The following METRNL variants were observed in gnomAD, a reference collection of about 807,000 sequenced individuals.
METRNL encodes meteorin like, glial cell differentiation regulator, also known as meteorin-like protein.
Under a neutral mutation model 17.4 loss-of-function variants are expected in METRNL, and 9 were observed. That is an observed-to-expected ratio of 0.52 (90% CI 0.31 to 0.90). The LOEUF is 0.90. Ranked by LOEUF, METRNL falls within the 40% of genes least tolerant of loss-of-function variation. The probability of loss-of-function intolerance (pLI) is 0.05; values close to 1 mark genes in which losing one functional copy is unlikely to be tolerated. For missense variants in METRNL, 408 were observed against 430.7 expected (o/e 0.95, Z 0.47); for synonymous variants, 215 against 199.3 (o/e 1.08, Z -0.66).
chr17:83,093,817 G>A (rs1003571943), intron 3 of METRNL, among the ~76,000 whole-genome samples: 3 of 152,160 alleles, frequency 2.0e-5, no homozygotes, highest in African/African-American at 7.2e-5. Flanking sequence ...CAAGCTCAAG[G>A]ACAGGCCCCT....
intron 2 of METRNL, among the ~76,000 whole-genome samples, chr17:83,091,401 C>T (rs1409146812): frequency 6.6e-6 from 1 of 152,226 alleles, no homozygotes; most frequent in African/African-American, 2.4e-5. Flanking sequence ...GTCTCTGGGT[C>T]CCTCCTACCT....
chr17:83,090,138 ACCCC>A (rs1320834461), intron 2 of METRNL, among the ~76,000 whole-genome samples: 1 of 125,498 alleles, frequency 8.0e-6, no homozygotes, highest in Non-Finnish European at 1.7e-5. Context: ...GGAGCCACAC[ACCCC>A]CGCCCCGCCC....
In METRNL at chr17:83,094,472, G is replaced by T; in HGVS notation, c.833G>T (p.Gly278Val). ...CTCTTCACTGGCCACATGCACTTCGGGGAGGCGCGGCTCGGCTGTGCCCCA... is the reference window on the plus strand; with the variant it reads ...CTCTTCACTGGCCACATGCACTTCGTGGAGGCGCGGCTCGGCTGTGCCCCA... ...DFLFTGHMHF[G>V]EARLGCAPRF... is the part of the protein sequence containing the mutation. Residue 278 changes from glycine to valine, a missense_variant, in exon 4 of 4, where the codon GGG (glycine) becomes GTG (valine). Coordinates refer to ENST00000320095, the MANE Select transcript of METRNL (RefSeq NM_001004431.3). 6.3e-7 allele frequency: 1 copy of T among 1,586,924 alleles called. No homozygotes were observed.
At chr17:83,081,238 T>G (rs989734072) in intron 1 of METRNL, among the ~76,000 whole-genome samples, 8 of 151,644 alleles carry the variant, frequency 5.3e-5, no homozygotes, top group African/African-American at 1.9e-4. Flanking sequence ...CGACGGCTCT[T>G]CTGGGGCCGC....
chr17:83,086,703 G>GT (rs1411650355), intron 2 of METRNL, among the ~76,000 whole-genome samples: 1 of 152,252 alleles, frequency 6.6e-6, no homozygotes. Flanking sequence ...CACATGCTCT[G>GT]TGGCCTGAGC....
chr17:83,085,004 C>A lies in METRNL; in HGVS notation c.237C>A (p.Ala79=). ...EQVYLRCAAG[A]VEWMYPTGAL... ...TGTATCTGCGCTGTGCGGCGGGTGC[C>A]GTGGAGTGGATGTACCCAACAGGTG... Residue 79 remains alanine, a synonymous_variant, in exon 2 of 4, where the codon GCC becomes GCA. Coordinates refer to ENST00000320095, the MANE Select transcript of METRNL (RefSeq NM_001004431.3). 6.2e-7 allele frequency: 1 copy of A among 1,613,620 alleles called. No homozygotes were observed. Among genetic ancestry groups the A allele is most frequent in the Non-Finnish European group, 8.5e-7 (1 of 1,179,972 alleles).
chr17:83,081,670 A>C lies in METRNL; in HGVS notation c.170+1685A>C, dbSNP rs115405511. On this transcript the variant is annotated intron_variant, in intron 1 of 3. Coordinates refer to ENST00000320095, the MANE Select transcript of METRNL (RefSeq NM_001004431.3). Reference sequence around the variant, plus strand: ...GACTCCCCAGAGGGGACCCCCCCACACACACACACAGGGGACCCCCCCCAA... The same window carrying C: ...GACTCCCCAGAGGGGACCCCCCCACCCACACACACAGGGGACCCCCCCCAA... 3.3e-3 allele frequency among the ~76,000 whole-genome samples: 490 copies of C among 149,214 alleles called. 3 individuals are homozygous for C. The highest frequency in any genetic ancestry group is 8.5e-3 in the African/African-American group (332 of 39,096).
At chr17:83,092,825 C>A (rs1014337596) in intron 2 of METRNL, among the ~76,000 whole-genome samples, 1 of 152,028 alleles carries the variant, frequency 6.6e-6, no homozygotes, top group Non-Finnish European at 1.5e-5. Context: ...AAAGACCCCT[C>A]CCCACGAAGG....
chr17:83,081,173 G>A (rs544371128), intron 1 of METRNL, among the ~76,000 whole-genome samples: 304 of 151,736 alleles, frequency 2.0e-3, no homozygotes, highest in Non-Finnish European at 2.7e-3. Context: ...GCCGCGGGCG[G>A]ATGGAGGTCT....
intron 1 of METRNL, among the ~76,000 whole-genome samples, chr17:83,081,939 C>G (rs564199880): frequency 1.3e-5 from 2 of 152,334 alleles, no homozygotes; most frequent in Non-Finnish European, 2.9e-5. Context: ...TACCAGCTGT[C>G]CTGACGAAGC....
At chr17:83,088,107 C>A (rs567456140) in intron 2 of METRNL, among the ~76,000 whole-genome samples, 1 of 152,166 alleles carries the variant, frequency 6.6e-6, no homozygotes, top group African/African-American at 2.4e-5. Context: ...GGGGGCCAGG[C>A]GGGAGGGGAC....
At position 83,082,793 on chromosome 17, in the gene METRNL, G is replaced by A. The variant is rs575625476; in HGVS notation, c.171-2145G>A. 7.9e-5 allele frequency among the ~76,000 whole-genome samples: 12 copies of A among 152,332 alleles called. No homozygotes were observed. In the East Asian group the frequency reaches 2.1e-3, roughly 27 times the overall value. ...GACCATGAGTCTCGGACTTCGTGCC[G>A]AGGTCTGCTGGGTCCCAGGCTGAAG... On this transcript the variant is annotated intron_variant, in intron 1 of 3. Coordinates refer to ENST00000320095, the MANE Select transcript of METRNL (RefSeq NM_001004431.3).
Position 83,084,982 on chromosome 17 carries a change from A to G in METRNL, c.215A>G (p.Tyr72Cys). 1 of 1,613,838 alleles carries G rather than the reference A, an allele frequency of 6.2e-7. No homozygotes were observed. The highest frequency in any genetic ancestry group is 8.5e-7 in the Non-Finnish European group (1 of 1,179,994). Residue 72 changes from tyrosine to cysteine, a missense_variant, in exon 2 of 4, where the codon TAT (tyrosine) becomes TGT (cysteine). By Grantham distance (194) the Tyr-to-Cys change is radical. Coordinates refer to ENST00000320095, the MANE Select transcript of METRNL (RefSeq NM_001004431.3). ...CACAGGAAGGAGGTGGAGCAGGTGT[A>G]TCTGCGCTGTGCGGCGGGTGCCGTG... ...EAHRKEVEQV[Y>C]LRCAAGAVEW...
rs199617152 is a variant in METRNL at position 83,084,886 on chromosome 17, G to C, written c.171-52G>C. ...TCACTGACTCTCTGTGGGTGCGGGT[G>C]GGGTGTGTGACGGGAGCTCCGGGCC... On this transcript the variant is annotated intron_variant, in intron 1 of 3. Transcript: ENST00000320095. 5.4e-5 allele frequency: 85 copies of C among 1,563,510 alleles called. No individual in the cohort carries two copies. The East Asian group carries it at 1.9e-3, about 34-fold the overall frequency.
chr17:83,092,290 G>C (rs1010695680), intron 2 of METRNL: 4 of 152,324 alleles, frequency 2.6e-5, no homozygotes, highest in African/African-American at 9.6e-5. Context: ...GCCCCACGCC[G>C]GTGGCAGGTG....
chr17:83,091,616 C>T (rs180851078), intron 2 of METRNL, among the ~76,000 whole-genome samples: 6 of 152,340 alleles, frequency 3.9e-5, no homozygotes, highest in African/African-American at 9.6e-5. Flanking sequence ...GCAGCTGGCT[C>T]GGGCCTGTAC....
At chr17:83,082,135 A>C in intron 1 of METRNL, 1 of 985,424 alleles carries the variant, frequency 1.0e-6, no homozygotes, top group Non-Finnish European at 1.2e-6. Flanking sequence ...CCCCGTCTTT[A>C]TCAGCCAGTG....
chr17:83,088,529 G>T (rs991666586), intron 2 of METRNL, among the ~76,000 whole-genome samples: 1 of 152,134 alleles, frequency 6.6e-6, no homozygotes, highest in Non-Finnish European at 1.5e-5. Flanking sequence ...TGCAGGCTCT[G>T]TGTAAGGCCC....
intron 3 of METRNL, 44 bp from the exon 4 acceptor site, chr17:83,094,212 C>A: frequency 6.7e-7 from 1 of 1,495,226 alleles, no homozygotes. Flanking sequence ...TTGCTGTGTG[C>A]TTGCCTTTGC....
Sources: allele counts gnomAD v4.1 joint callset (sites outside exome capture counted in the v4.1 genomes callset), GRCh38; gene constraint gnomAD v4.1.1; transcripts MANE v1.5; gene names NCBI Gene and HGNC (gene_info 2026-07-23, HGNC 2026-07-21).